Variants in FRMD7 observed in about 807,000 individuals in gnomAD.
The protein encoded by FRMD7 is FERM domain containing 7.
In FRMD7, 14 loss-of-function variants were observed where a neutral mutation model predicts 44.1. The ratio of observed to expected loss-of-function variants is 0.32; its 90% CI spans 0.21 to 0.50. The LOEUF is 0.50. Among genes scored for constraint, FRMD7 ranks in the 20% least tolerant of loss-of-function variants. FRMD7 has a pLI of 0.99. For synonymous variants in FRMD7, 212 were observed against 187.4 expected (o/e 1.13, Z -1.07); for missense variants, 501 against 522.3 (o/e 0.96, Z 0.40).
chrX:132,104,870 CTTA>C (rs1053981557), intron 1 of FRMD7, among the ~76,000 whole-genome samples: 4 of 111,962 alleles, frequency 3.6e-5, no homozygotes, highest in African/African-American at 6.5e-5. Context: ...ACAAGCTCTA[CTTA>C]TTATTATAAT....
intron 3 of FRMD7, among the ~76,000 whole-genome samples, chrX:132,098,716 G>T (rs984694687): frequency 3.8e-5 from 4 of 106,301 alleles, no homozygotes; most frequent in African/African-American, 1.4e-4. Context: ...TGGGAGTAAT[G>T]TAGATGATGG....
intron 1 of FRMD7, among the ~76,000 whole-genome samples, chrX:132,102,636 A>G (rs966688230): frequency 2.1e-5 from 2 of 93,954 alleles, no homozygotes; most frequent in East Asian, 3.4e-4. Flanking sequence ...TTTTATTATG[A>G]AAAAAAAAAA....
At chrX:132,097,550 A>G (rs1198066514) in intron 3 of FRMD7, among the ~76,000 whole-genome samples, 2 of 111,176 alleles carry the variant, frequency 1.8e-5, no homozygotes, top group Non-Finnish European at 3.8e-5. Context: ...CTATGTATAT[A>G]GCGATTGGGA....
chrX:132,095,462 C>G (rs915993457), intron 4 of FRMD7, among the ~76,000 whole-genome samples: 1 of 111,548 alleles, frequency 9.0e-6, no homozygotes, highest in African/African-American at 3.3e-5. Context: ...ATGTGATTTT[C>G]TAAATAAAGG....
In FRMD7 at chrX:132,077,173, G is replaced by A. The variant is rs1216287877; in HGVS notation, c.*699C>T. On this transcript the variant is annotated 3_prime_UTR_variant, in exon 12 of 12. Coordinates refer to ENST00000298542, the MANE Select transcript of FRMD7 (RefSeq NM_194277.3). The stretch of plus-strand genomic sequence containing the variant: ...ACTAGATATAGTAGATAAGAATATA[G>A]AAGTTATAAGTAAAACAACATGATA... 1 of 111,147 alleles carries A rather than the reference G, an allele frequency of 9.0e-6. No homozygotes were observed. The highest frequency in any genetic ancestry group is 3.3e-5 in the African/African-American group (1 of 30,565). 9.2% of individuals were successfully genotyped at this position (111,147 alleles called of 1,213,427 possible).
At chrX:132,095,760 A>C (rs1928313056) in intron 4 of FRMD7, among the ~76,000 whole-genome samples, 1 of 112,770 alleles carries the variant, frequency 8.9e-6, no homozygotes, top group South Asian at 3.6e-4. Context: ...AGTATTATTT[A>C]AATGGACCAA....
In FRMD7 at chrX:132,078,103, A is replaced by T. The variant is rs201913554; in HGVS notation, c.1914T>A (p.Asp638Glu). ...CTACATACCTTTCTGCTGTACTTTG[A>T]TCCATTAGAACTGCTGGCAACTCCT... ...AEQELPAVLM[D>E]QSTAERYVAS... Residue 638 changes from aspartate (D) to glutamate (E), a missense_variant, in exon 12 of 12, where the codon GAT becomes GAA. Physicochemically the swap from Asp to Glu is conservative, Grantham distance 45. Transcript: ENST00000298542. 2.5e-6 allele frequency: 3 copies of T among 1,209,526 alleles called. No homozygotes were observed. In the East Asian group the frequency reaches 8.9e-5, roughly 36 times the overall value.
At chrX:132,079,028 G>A (rs1332673699) in intron 11 of FRMD7, 62 bp from the exon 12 acceptor site, 8 of 981,779 alleles carry the variant, frequency 8.1e-6, no homozygotes, top group African/African-American at 1.9e-5. Flanking sequence ...GCTGGGGGAG[G>A]GATCTAAATT....
At chrX:132,105,683 T>C (rs1012203350) in intron 1 of FRMD7, among the ~76,000 whole-genome samples, 9 of 111,102 alleles carry the variant, frequency 8.1e-5, no homozygotes, top group Non-Finnish European at 1.7e-4. Flanking sequence ...TGGAGCAGAA[T>C]AGAGAGTCCA....
At chrX:132,122,406 C>G (rs1929057002) in intron 1 of FRMD7, among the ~76,000 whole-genome samples, 1 of 111,926 alleles carries the variant, frequency 8.9e-6, no homozygotes, top group African/African-American at 3.3e-5. Flanking sequence ...CTATAAATCT[C>G]AAACAAAACC....
At chrX:132,127,053 C>A (rs903038364) in intron 1 of FRMD7, among the ~76,000 whole-genome samples, 1 of 112,175 alleles carries the variant, frequency 8.9e-6, no homozygotes, top group Non-Finnish European at 1.9e-5. Flanking sequence ...AATATCAGAG[C>A]AAATAGCATT....
intron 1 of FRMD7, among the ~76,000 whole-genome samples, chrX:132,119,678 C>T (rs1928986925): frequency 9.0e-6 from 1 of 111,431 alleles, no homozygotes; most frequent in Non-Finnish European, 1.9e-5. Flanking sequence ...ATAATTGTAG[C>T]TTTTGCACAG....
chrX:132,112,991 T>G (rs141203880), intron 1 of FRMD7, among the ~76,000 whole-genome samples: 28 of 111,202 alleles, frequency 2.5e-4, no homozygotes, highest in African/African-American at 8.5e-4. Context: ...ACCTTCACAC[T>G]AAGGGGGGCA....
rs137852209 is a variant in FRMD7 at position 132,097,298 on chromosome X, C to T, written c.252G>A (p.Val84=). The T allele has an allele frequency of 8.4e-7, 1 of 1,196,215 alleles. No homozygotes were observed. The highest frequency in any genetic ancestry group is 1.1e-6 in the Non-Finnish European group (1 of 881,570). Residue 84 remains valine (V), a synonymous_variant, in exon 4 of 12, where the codon GTG becomes GTA. Coordinates refer to ENST00000298542, the MANE Select transcript of FRMD7 (RefSeq NM_194277.3). ...GTTCTTCCCGCAGATGTCCAGGGTC[C>T]ACTGGGAAAAATTTCACCATAAATT... The part of the protein sequence containing the change: ...VFKFMVKFFP[V]DPGHLREELT...
Position 132,123,114 on chromosome X carries a change from G to C in FRMD7, c.57+4674C>G, listed in dbSNP as rs146549417. ...ATACTTCCCCCACAATCTACCTCTC[G>C]ATCTTCACCTTCTTAACTCCTACTC... On this transcript the variant is annotated intron_variant, in intron 1 of 11. Coordinates refer to ENST00000298542, the MANE Select transcript of FRMD7 (RefSeq NM_194277.3). Among the ~76,000 whole-genome samples, 951 of 109,704 alleles carry C rather than the reference G, an allele frequency of 8.7e-3. 10 individuals carry two copies. Among genetic ancestry groups the C allele is most frequent in the African/African-American group, 0.03 (913 of 30,157 alleles).
intron 1 of FRMD7, among the ~76,000 whole-genome samples, chrX:132,102,638 A>G (rs1183214291): frequency 1.8e-5 from 2 of 112,064 alleles, no homozygotes; most frequent in Non-Finnish European, 3.8e-5. Flanking sequence ...TTATTATGAA[A>G]AAAAAAAAGA....
intron 1 of FRMD7, among the ~76,000 whole-genome samples, chrX:132,102,174 G>A (rs758542647): frequency 9.1e-6 from 1 of 110,269 alleles, no homozygotes; most frequent in Admixed American, 9.6e-5. Context: ...CAGGAAGGCG[G>A]CCTACCTCAC....
rs187596006 is a variant in FRMD7, at chrX:132,091,657, C to G, written c.382+2385G>C. Reference sequence around the variant, plus strand: ...TGGCCAACATGGTGAAACCCTGTCTCTAACTAAAAATACAAAAAAAAAAAA... The same window carrying G: ...TGGCCAACATGGTGAAACCCTGTCTGTAACTAAAAATACAAAAAAAAAAAA... On this transcript the variant is annotated intron_variant, in intron 5 of 11. Coordinates refer to ENST00000298542, the MANE Select transcript of FRMD7 (RefSeq NM_194277.3). 2.5e-4 allele frequency among the ~76,000 whole-genome samples: 23 copies of G among 93,274 alleles called. 1 individual carries two copies. The highest frequency in any genetic ancestry group is 9.5e-4 in the African/African-American group (23 of 24,262). The allele number at this position is 93,274 out of a possible 115,157, so 81.0% of individuals were successfully genotyped here.
chrX:132,087,405 C>A (rs1406571609), intron 5 of FRMD7, among the ~76,000 whole-genome samples: 1 of 110,974 alleles, frequency 9.0e-6, no homozygotes, highest in Non-Finnish European at 1.9e-5. Flanking sequence ...TTTTTTTTCT[C>A]TTCTTTCTTG....
Sources: gnomAD v4.1 joint callset for allele counts (sites outside exome capture counted in the v4.1 genomes callset) on GRCh38, gnomAD v4.1.1 for gene constraint, MANE v1.5 for transcripts, NCBI Gene and HGNC (gene_info 2026-07-23, HGNC 2026-07-21) for gene names.